FBLN7: variants seen among roughly 807,000 people sequenced by gnomAD.
The protein encoded by FBLN7 is fibulin-7.
Under a neutral mutation model 44.0 loss-of-function variants are expected in FBLN7, and 31 were observed. That is an observed-to-expected ratio of 0.70 (90% CI 0.53 to 0.95). The LOEUF (loss-of-function observed/expected upper bound fraction) is 0.95, where lower values mean the gene tolerates loss of function less well. FBLN7 is among the 40% of genes least tolerant of loss of function. The pLI is 0.00. For synonymous variants in FBLN7, 262 were observed against 253.4 expected (o/e 1.03, Z -0.32); for missense variants, 573 against 618.5 (o/e 0.93, Z 0.78).
chr2:112,138,734 A>G lies in FBLN7; in HGVS notation c.75+4A>G, dbSNP rs376542803. The G allele has an allele frequency of 1.9e-4, 309 of 1,600,934 alleles. No homozygotes were observed. The highest frequency in any genetic ancestry group is 2.6e-4 in the Non-Finnish European group (300 of 1,173,938). Reference sequence around the variant, plus strand: ...CCCCGAGCCGCGGGCTTCCCAGGTCAGTGTCCCTCCCGCCTCTCTCCAGGC... The same window carrying G: ...CCCCGAGCCGCGGGCTTCCCAGGTCGGTGTCCCTCCCGCCTCTCTCCAGGC... On this transcript the variant is annotated splice_donor_region_variant and intron_variant, in intron 1 of 7. Coordinates refer to ENST00000331203, the MANE Select transcript of FBLN7 (RefSeq NM_153214.3).
At chr2:112,170,156 C>T (rs1290192067) in intron 3 of FBLN7, among the ~76,000 whole-genome samples, 3 of 152,018 alleles carry the variant, frequency 2.0e-5, no homozygotes, top group African/African-American at 7.2e-5. Flanking sequence ...GCAGAAGAAT[C>T]GCTTGAACCC....
At chr2:112,228,918 T>G in the FBLN7 span, among the ~76,000 whole-genome samples, 9 of 151,836 alleles carry the variant, frequency 5.9e-5, no homozygotes, top group Non-Finnish European at 1.0e-4. Flanking sequence ...GGCAGAGATC[T>G]AAACTGACTA....
the FBLN7 span, among the ~76,000 whole-genome samples, chr2:112,222,303 C>T: frequency 1.3e-5 from 2 of 152,060 alleles, no homozygotes; most frequent in African/African-American, 4.8e-5. Context: ...CGGGGTTGCA[C>T]CTGCCTGCAG....
At chr2:112,221,652 C>A in the FBLN7 span, among the ~76,000 whole-genome samples, 1 of 152,026 alleles carries the variant, frequency 6.6e-6, no homozygotes, top group South Asian at 2.1e-4. Context: ...TTGGTTGATT[C>A]TGCTGATAAG....
the FBLN7 span, among the ~76,000 whole-genome samples, chr2:112,221,529 AT>A: frequency 3.9e-5 from 6 of 152,182 alleles, no homozygotes; most frequent in Non-Finnish European, 7.3e-5. Flanking sequence ...GTATTTCTTT[AT>A]AGCAATGCAT....
At chr2:112,208,516 T>C in the FBLN7 span, among the ~76,000 whole-genome samples, 1 of 152,198 alleles carries the variant, frequency 6.6e-6, no homozygotes, top group South Asian at 2.1e-4. Context: ...TATGTCTGGA[T>C]TTAGGTCTAT....
the FBLN7 span, chr2:112,214,907 TAAAAC>T: frequency 6.6e-6 from 1 of 152,178 alleles, no homozygotes; most frequent in South Asian, 2.1e-4. Flanking sequence ...GCTTGTTTCT[TAAAAC>T]AATTAATTTG....
chr2:112,182,649 A>G (rs1683059967), intron 5 of FBLN7, 142 bp from the exon 6 acceptor site: 2 of 935,984 alleles, frequency 2.1e-6, no homozygotes, highest in Non-Finnish European at 3.1e-6. Flanking sequence ...TGCTGGGGGT[A>G]GGGCATGGCG....
chr2:112,185,977 G>A (rs564078103), intron 7 of FBLN7, among the ~76,000 whole-genome samples: 83 of 151,780 alleles, frequency 5.5e-4, no homozygotes, highest in Middle Eastern at 3.4e-3. Flanking sequence ...GAGCCCTAGC[G>A]TTGTCTTTAA....
intron 1 of FBLN7, among the ~76,000 whole-genome samples, chr2:112,150,278 C>T (rs1681095443): frequency 6.6e-6 from 1 of 152,094 alleles, no homozygotes; most frequent in African/African-American, 2.4e-5. Context: ...CAGAAAGCCT[C>T]AACTGCCCCT....
At chr2:112,171,651 A>G (rs1385717614) in intron 3 of FBLN7, among the ~76,000 whole-genome samples, 1 of 152,234 alleles carries the variant, frequency 6.6e-6, no homozygotes, top group African/African-American at 2.4e-5. Context: ...TCTTTTATCT[A>G]AGCACATACA....
At chr2:112,185,173 C>A (rs1466375202) in intron 6 of FBLN7, 28 bp from the exon 7 acceptor site, 2 of 1,599,106 alleles carry the variant, frequency 1.3e-6, no homozygotes, top group Admixed American at 1.7e-5. Flanking sequence ...CAGGGCGATT[C>A]TCACCTGTTG....
At position 112,138,485 on chromosome 2, in the gene FBLN7, C is replaced by A. The variant is rs1680455412; in HGVS notation, c.-171C>A. The stretch of plus-strand genomic sequence containing the variant: ...TCGCAAGGCCCGGGCGGCGCCGATC[C>A]CCGCGGGACGCGCTGCGCTCGGGGC... On this transcript the variant is annotated 5_prime_UTR_variant, in exon 1 of 8. Transcript: ENST00000331203. The A allele has an allele frequency of 2.7e-6, 2 of 748,400 alleles. No individual in the cohort carries two copies. The highest frequency in any genetic ancestry group is 3.6e-6 in the Non-Finnish European group (2 of 549,266). The allele number at this position is 748,400 out of a possible 1,614,324, so 46.4% of individuals were successfully genotyped here. A position where few individuals can be genotyped will look rare whatever the true frequency, so the allele number is the denominator to read the frequency against.
chr2:112,178,077 A>G (rs1014195590), intron 4 of FBLN7: 1 of 152,040 alleles, frequency 6.6e-6, no homozygotes, highest in Non-Finnish European at 1.5e-5. Context: ...CAGAGGCAGG[A>G]GAATCATTTG....
At chr2:112,207,287 C>T in the FBLN7 span, among the ~76,000 whole-genome samples, 2 of 151,770 alleles carry the variant, frequency 1.3e-5, no homozygotes, top group Non-Finnish European at 2.9e-5. Context: ...GCCAACATGG[C>T]AAAACCCTGT....
In FBLN7 at chr2:112,187,342, A is replaced by C; in HGVS notation, c.1156A>C (p.Met386Leu). 2 of 1,614,146 alleles carry C rather than the reference A, an allele frequency of 1.2e-6. No homozygotes were observed. Among genetic ancestry groups the C allele is most frequent in the Non-Finnish European group, 1.7e-6 (2 of 1,180,042 alleles). Reference protein sequence around the residue: ...VGGNSRGHFVMQRSDRQTGDL... With the variant: ...VGGNSRGHFVLQRSDRQTGDL... ...TGGGAACAGCCGCGGCCACTTTGTG[A>C]TGCAGCGTTCAGACCGGCAGACTGG... Residue 386 changes from methionine to leucine, a missense_variant, in exon 8 of 8, where the codon ATG becomes CTG. By Grantham distance (15) the Met-to-Leu change is conservative (BLOSUM62 2). Coordinates refer to ENST00000331203, the MANE Select transcript of FBLN7 (RefSeq NM_153214.3). The surrounding 1 kb of genome is among the most constrained non-coding windows in gnomAD (Gnocchi z 5.1).
the FBLN7 span, chr2:112,215,972 ATTTAT>A: frequency 1.3e-5 from 2 of 152,316 alleles, no homozygotes; most frequent in African/African-American, 4.8e-5. Context: ...TAGAACCATA[ATTTAT>A]TTTAAGCCCT....
At chr2:112,203,109 C>T in the FBLN7 span, among the ~76,000 whole-genome samples, 1 of 152,230 alleles carries the variant, frequency 6.6e-6, no homozygotes, top group East Asian at 1.9e-4. Context: ...AGCTCTGACA[C>T]ATCCCTGGGA....
chr2:112,158,938 C>T (rs1254038061), intron 1 of FBLN7, among the ~76,000 whole-genome samples: 1 of 152,144 alleles, frequency 6.6e-6, no homozygotes, highest in African/African-American at 2.4e-5. Context: ...GGCCATCTGC[C>T]ATCTAGAAGA....
Sources: allele counts gnomAD v4.1 joint callset (sites outside exome capture counted in the v4.1 genomes callset), GRCh38; gene constraint gnomAD v4.1.1; non-coding constraint Gnocchi (gnomAD v3.1); transcripts MANE v1.5; gene names NCBI Gene and HGNC (gene_info 2026-07-23, HGNC 2026-07-21).